TTC39C: variants seen among roughly 807,000 people sequenced by gnomAD.
TTC39C encodes tetratricopeptide repeat domain 39C, also known as tetratricopeptide repeat protein 39C.
A neutral mutation model predicts 76.3 loss-of-function variants in TTC39C; 33 were observed. That is an observed-to-expected ratio of 0.43 (90% CI 0.33 to 0.58). The LOEUF is 0.58. TTC39C is among the 20% of genes least tolerant of loss of function. The pLI is 0.04. For synonymous variants in TTC39C, 254 were observed against 260.6 expected (o/e 0.97, Z 0.24); for missense variants, 595 against 701.4 (o/e 0.85, Z 1.71).
intron 1 of TTC39C, chr18:24,022,813 T>C: frequency 1.0e-6 from 1 of 985,368 alleles, no homozygotes; most frequent in Non-Finnish European, 1.2e-6. Flanking sequence ...CCTTCCATGC[T>C]AGTTGTGCTG....
chr18:24,001,889 A>G (rs1171153678), intron 1 of TTC39C, among the ~76,000 whole-genome samples: 2 of 133,580 alleles, frequency 1.5e-5, no homozygotes, highest in Non-Finnish European at 3.0e-5. Context: ...GCAGTGGCGC[A>G]ATCTCGGCTC....
At chr18:24,075,812 T>C (rs1427856822) in intron 4 of TTC39C, among the ~76,000 whole-genome samples, 1 of 152,048 alleles carries the variant, frequency 6.6e-6, no homozygotes, top group African/African-American at 2.4e-5. Context: ...TAATAGATGC[T>C]TGCACCAGAT....
chr18:24,117,324 G>A (rs182750559), intron 7 of TTC39C, among the ~76,000 whole-genome samples: 21 of 152,234 alleles, frequency 1.4e-4, no homozygotes, highest in Non-Finnish European at 2.4e-4. Context: ...AGGAAGGTGG[G>A]GTTCTTTCAC....
Position 24,014,916 on chromosome 18 carries a change from A to C in TTC39C, c.45A>C (p.Gly15=). 1 of 1,515,578 alleles carries C rather than the reference A, an allele frequency of 6.6e-7. No homozygotes were observed. Among genetic ancestry groups the C allele is most frequent in the Non-Finnish European group, 8.8e-7 (1 of 1,132,184 alleles). 93.9% of individuals were successfully genotyped at this position (1,515,578 alleles called of 1,614,324 possible). A position where few individuals can be genotyped will look rare whatever the true frequency, so the allele number is the denominator to read the frequency against. The change falls in exon 1 of 14, where the codon GGA becomes GGC. Residue 15 remains glycine (G), a synonymous_variant. Transcript: ENST00000317571. ...EQQRPRRRDD[G]DSDAAAAAAA... Reference sequence around the variant, plus strand: ...AGCGGCCGCGGCGGCGGGACGACGGAGACTCGGACGCGGCAGCGGCGGCGG... The same window carrying C: ...AGCGGCCGCGGCGGCGGGACGACGGCGACTCGGACGCGGCAGCGGCGGCGG...
intron 6 of TTC39C, among the ~76,000 whole-genome samples, chr18:24,096,763 T>G (rs1272286177): frequency 6.6e-6 from 1 of 152,218 alleles, no homozygotes; most frequent in African/African-American, 2.4e-5. Flanking sequence ...ATAATTGTGA[T>G]AAGGGGACTT....
chr18:24,015,015 G>A lies in TTC39C; in HGVS notation c.144G>A (p.Ser48=), dbSNP rs761590649. The change falls in exon 1 of 14, where the codon TCG becomes TCA. Residue 48 remains serine, a synonymous_variant. Coordinates refer to ENST00000317571, the MANE Select transcript of TTC39C (RefSeq NM_001135993.2). ...NMLLNNGFRE[S]DQLFKQYRNH... The stretch of plus-strand genomic sequence containing the variant: ...TGCTCAACAACGGCTTCAGGGAGTC[G>A]GACCAGCTTTTCAAACAATACAGGT... 2.6e-5 allele frequency: 39 copies of A among 1,513,414 alleles called. No individual in the cohort carries two copies. The highest frequency in any genetic ancestry group is 3.3e-5 in the Non-Finnish European group (37 of 1,130,588). 93.7% of individuals were successfully genotyped at this position (1,513,414 alleles called of 1,614,324 possible). A position where few individuals can be genotyped will look rare whatever the true frequency, so the allele number is the denominator to read the frequency against.
intron 11 of TTC39C, among the ~76,000 whole-genome samples, chr18:24,129,801 G>A (rs2085100207): frequency 6.7e-6 from 1 of 148,744 alleles, no homozygotes; most frequent in African/African-American, 2.5e-5. Flanking sequence ...AAGAATTAAT[G>A]TACAGTAATA....
At chr18:23,993,106 TC>T (rs1259486986) in intron 1 of TTC39C, 4 of 151,376 alleles carry the variant, frequency 2.6e-5, no homozygotes, top group Non-Finnish European at 4.4e-5. Flanking sequence ...TATGTTTTTA[TC>T]ATGTTGTCAT....
At chr18:24,107,138 G>T (rs1049224451) in intron 6 of TTC39C, among the ~76,000 whole-genome samples, 16 of 152,162 alleles carry the variant, frequency 1.1e-4, no homozygotes, top group Non-Finnish European at 2.2e-4. Flanking sequence ...GCCTGAATGG[G>T]TGTCACCAGT....
intron 4 of TTC39C, among the ~76,000 whole-genome samples, chr18:24,078,500 G>A (rs1312562363): frequency 6.6e-6 from 1 of 152,118 alleles, no homozygotes; most frequent in East Asian, 1.9e-4. Context: ...ATTATGTTTT[G>A]TAGTTCGTTT....
intron 1 of TTC39C, among the ~76,000 whole-genome samples, chr18:24,024,014 A>ATTTTTT (rs1359475527): frequency 1.6e-4 from 1 of 6,226 alleles, no homozygotes; most frequent in African/African-American, 5.0e-4. Context: ...ATATATATAT[A>ATTTTTT]TATTTTTTTT....
chr18:24,104,019 C>A lies in TTC39C; in HGVS notation c.985-10535C>A, dbSNP rs1257037319. On this transcript the variant is annotated intron_variant, in intron 6 of 13. Transcript: ENST00000317571. ...CCATCTCGGCTCATTGCAACCTCCA[C>A]CTTCTGGGTTCAAGCAATTCTCCTA... 4.6e-5 allele frequency among the ~76,000 whole-genome samples: 7 copies of A among 151,748 alleles called. 1 individual carries two copies. The South Asian group carries it at 1.5e-3, about 32-fold the overall frequency.
At chr18:24,125,711 C>G in intron 10 of TTC39C, 161 bp downstream of exon 10, 1 of 906,060 alleles carries the variant, frequency 1.1e-6, no homozygotes, top group South Asian at 1.8e-5. Context: ...GAAGAAAATC[C>G]TGTCACTTAG....
rs774752981 is a variant in TTC39C, at chr18:24,128,868, A to C, written c.1421-18A>C. On this transcript the variant is annotated intron_variant, in intron 10 of 13. Transcript: ENST00000317571. ...AATGCATTTGCTTACTGCTCTGTTCACTCCCCTTCTTTTTAAGCTTGCCAT... is the reference window on the plus strand; with the variant it reads ...AATGCATTTGCTTACTGCTCTGTTCCCTCCCCTTCTTTTTAAGCTTGCCAT... 6.2e-7 allele frequency: 1 copy of C among 1,604,656 alleles called. No homozygotes were observed. Among genetic ancestry groups the C allele is most frequent in the Non-Finnish European group, 8.5e-7 (1 of 1,173,850 alleles).
intron 6 of TTC39C, among the ~76,000 whole-genome samples, chr18:24,097,268 C>G (rs960394052): frequency 6.6e-6 from 1 of 152,186 alleles, no homozygotes; most frequent in African/African-American, 2.4e-5. Context: ...AAAACTGTTG[C>G]CATCACCTTT....
intron 2 of TTC39C, among the ~76,000 whole-genome samples, chr18:24,065,437 G>C (rs1308454024): frequency 2.0e-5 from 3 of 152,186 alleles, no homozygotes; most frequent in African/African-American, 7.2e-5. Context: ...CCCCTACTTC[G>C]TTAAATGTGG....
chr18:24,024,141 T>G (rs12327238), intron 1 of TTC39C, among the ~76,000 whole-genome samples: 138,680 of 146,476 alleles, frequency 0.95, 65,987 homozygotes, highest in East Asian at 1. Context: ...GCCTCCCGAG[T>G]AGCTGGGACT....
intron 1 of TTC39C, among the ~76,000 whole-genome samples, chr18:24,005,540 G>C (rs1263253371): frequency 1.3e-5 from 2 of 151,938 alleles, no homozygotes; most frequent in Non-Finnish European, 2.9e-5. Context: ...ATACACAAAA[G>C]TCACCATTTA....
intron 1 of TTC39C, among the ~76,000 whole-genome samples, chr18:24,055,797 A>C (rs946234248): frequency 3.9e-5 from 6 of 152,292 alleles, no homozygotes; most frequent in Non-Finnish European, 8.8e-5. Flanking sequence ...CATATCCAAG[A>C]AATTGTTGCT....
Sources: gnomAD v4.1 joint callset for allele counts (sites outside exome capture counted in the v4.1 genomes callset) on GRCh38, gnomAD v4.1.1 for gene constraint, MANE v1.5 for transcripts, NCBI Gene and HGNC (gene_info 2026-07-23, HGNC 2026-07-21) for gene names.